Variants in KIFC3 observed in about 807,000 individuals in gnomAD.
KIFC3 encodes the protein kinesin-like protein KIFC3.
A neutral mutation model predicts 101.8 loss-of-function variants in KIFC3; 60 were observed. The observed-to-expected ratio is 0.59, with a 90% CI of 0.48 to 0.73. The LOEUF is 0.73. Ranked by LOEUF, KIFC3 falls within the 30% of genes least tolerant of loss-of-function variation. KIFC3 has a pLI of 0.00. For synonymous variants in KIFC3, 476 were observed against 482.7 expected (o/e 0.99, Z 0.18); for missense variants, 966 against 1,137.1 (o/e 0.85, Z 2.16).
intron 1 of KIFC3, among the ~76,000 whole-genome samples, chr16:57,825,271 C>T (rs187434236): frequency 1.1e-3 from 175 of 152,342 alleles, no homozygotes; most frequent in Non-Finnish European, 1.7e-3. Context: ...TGGCCAGGCT[C>T]CTTCTCTTTG....
In KIFC3 at chr16:57,772,525, G is replaced by C. The variant is rs112165850; in HGVS notation, c.316-237C>G. The stretch of plus-strand genomic sequence containing the variant: ...CCTCCACAGGACAGAGCCAACCCCA[G>C]CTCTTCAGGAAAGCCCAGAGGGCAA... On this transcript the variant is annotated intron_variant, in intron 3 of 19. Coordinates refer to ENST00000445690, the MANE Select transcript of KIFC3 (RefSeq NM_001130100.2). 3.3e-3 allele frequency among the ~76,000 whole-genome samples: 505 copies of C among 152,228 alleles called. 1 individual carries two copies. Among genetic ancestry groups the C allele is most frequent in the African/African-American group, 0.012 (482 of 41,528 alleles).
At chr16:57,846,269 A>G (rs2055916235) in intron 1 of KIFC3, 1 of 152,276 alleles carries the variant, frequency 6.6e-6, no homozygotes, top group African/African-American at 2.4e-5. Flanking sequence ...CCCAGAGAGC[A>G]CTATGGGGCT....
chr16:57,771,201 G>C lies in KIFC3; in HGVS notation c.762C>G (p.Val254=). 1 of 1,612,306 alleles carries C rather than the reference G, an allele frequency of 6.2e-7. No individual in the cohort carries two copies. Among genetic ancestry groups the C allele is most frequent in the Non-Finnish European group, 8.5e-7 (1 of 1,179,898 alleles). The change falls in exon 6 of 20, where the codon GTC becomes GTG. Residue 254 remains valine (V), a synonymous_variant. Transcript: ENST00000445690. ...GATCAGGTGGGCCAGGGCTCACCTT[G>C]ACAGGTGGGGACTGGGCCCGCAGGC... ...IASLRAQSPP[V]KYVIKTVEVE... is the part of the protein sequence containing the mutation.
chr16:57,836,171 A>C (rs1185691908), intron 1 of KIFC3, among the ~76,000 whole-genome samples: 2 of 152,224 alleles, frequency 1.3e-5, no homozygotes, highest in Non-Finnish European at 2.9e-5. Flanking sequence ...AGAATGCAGT[A>C]GCAAGATCAT....
chr16:57,764,796 T>C (rs1209486153), intron 11 of KIFC3, among the ~76,000 whole-genome samples: 2 of 145,634 alleles, frequency 1.4e-5, no homozygotes, highest in Non-Finnish European at 3.0e-5. Context: ...GGCAGGGTCA[T>C]GAAGATGGAT....
Position 57,765,533 on chromosome 16 carries a change from G to A in KIFC3, c.1438C>T (p.His480Tyr). Residue 480 changes from histidine (H) to tyrosine (Y), a missense_variant, in exon 11 of 20, where the codon CAC (histidine) becomes TAC (tyrosine). His to Tyr is a moderately conservative substitution (Grantham distance 83). Around this residue, in one of 2 missense-constraint regions of KIFC3, gnomAD observed 689 missense variants for 884.6 expected, o/e 0.78. Coordinates refer to ENST00000445690, the MANE Select transcript of KIFC3 (RefSeq NM_001130100.2). ...ACAGGCTTGCCCTTGTGCAGCAGGT[G>A]GATGATGGAGTCGTCGTCGGCATCG... ...TFDADDDSIIHLLHKGKPVSF... is the reference protein window; with the variant it reads ...TFDADDDSIIYLLHKGKPVSF... The A allele has an allele frequency of 6.3e-7, 1 of 1,596,620 alleles. No individual in the cohort carries two copies. Among genetic ancestry groups the A allele is most frequent in the Non-Finnish European group, 8.5e-7 (1 of 1,170,966 alleles).
chr16:57,839,808 T>C (rs946086003), intron 1 of KIFC3, among the ~76,000 whole-genome samples: 28 of 152,198 alleles, frequency 1.8e-4, no homozygotes, highest in Middle Eastern at 3.4e-3. Context: ...AGTGATTTTT[T>C]CCCCCCTGGA....
intron 1 of KIFC3, among the ~76,000 whole-genome samples, chr16:57,844,147 C>T (rs945399147): frequency 1.3e-5 from 2 of 151,180 alleles, no homozygotes; most frequent in Non-Finnish European, 1.5e-5. Context: ...CTAAAGGCAG[C>T]GTAGGCTGGA....
At chr16:57,782,860 C>T (rs1021160127) in intron 3 of KIFC3, among the ~76,000 whole-genome samples, 1 of 152,180 alleles carries the variant, frequency 6.6e-6, no homozygotes, top group African/African-American at 2.4e-5. Flanking sequence ...GTAGGAGAAT[C>T]GATTGAACCT....
chr16:57,842,611 G>T (rs771655180), intron 1 of KIFC3, among the ~76,000 whole-genome samples: 3 of 152,062 alleles, frequency 2.0e-5, no homozygotes, highest in Non-Finnish European at 2.9e-5. Flanking sequence ...AACAACTTGG[G>T]CATTGACTCG....
In KIFC3 at chr16:57,766,789, A is replaced by G. The variant is rs200811349; in HGVS notation, c.1330+85T>C. ...GAGATAGGATTAGAATAGTGCCTCA[A>G]TGGTGGGGTGAGCTCCAAGCATGAC... On this transcript the variant is annotated intron_variant, in intron 10 of 19. Transcript: ENST00000445690. 1.1e-5 allele frequency: 9 copies of G among 841,932 alleles called. No homozygotes were observed. In the East Asian group the frequency reaches 2.0e-4, roughly 19 times the overall value. The allele number at this position is 841,932 out of a possible 1,614,324, so 52.2% of individuals were successfully genotyped here.
At chr16:57,808,402 G>A (rs1351612677) in intron 1 of KIFC3, among the ~76,000 whole-genome samples, 3 of 151,706 alleles carry the variant, frequency 2.0e-5, no homozygotes, top group African/African-American at 7.3e-5. Flanking sequence ...GTGTTCTGCC[G>A]CTTCTCTCCT....
chr16:57,761,344 G>A, intron 14 of KIFC3, 69 bp downstream of exon 14: 1 of 1,603,396 alleles, frequency 6.2e-7, no homozygotes, highest in Middle Eastern at 1.7e-4. Context: ...ACACAGCAGA[G>A]CCTACATTCA....
chr16:57,802,572 C>A, upstream of KIFC3: 1 of 993,318 alleles, frequency 1.0e-6, no homozygotes, highest in Non-Finnish European at 1.2e-6. The surrounding 1 kb of genome is among the most constrained non-coding windows in gnomAD (Gnocchi z 5.0). Context: ...CGGCGGGGGG[C>A]GGCGGCGCGC....
chr16:57,819,207 C>T lies in KIFC3; in HGVS notation c.109-20925G>A, dbSNP rs1568084633. Reference sequence around the variant, plus strand: ...ACTATTGGCTGGGCATGGTGGCTCACGCATGTACTCCCAGTACTTTGGGAG... The same window carrying T: ...ACTATTGGCTGGGCATGGTGGCTCATGCATGTACTCCCAGTACTTTGGGAG... On this transcript the variant is annotated intron_variant, in intron 1 of 2. Coordinates refer to the KIFC3 transcript ENST00000563028. 1.3e-5 allele frequency among the ~76,000 whole-genome samples: 2 copies of T among 152,208 alleles called. 1 individual carries two copies.
rs1341944917 is a variant in KIFC3, at chr16:57,802,479, C to G, written c.-149G>C. The G allele has an allele frequency of 1.0e-6, 1 of 983,324 alleles. No homozygotes were observed. Among genetic ancestry groups the G allele is most frequent in the Non-Finnish European group, 1.2e-6 (1 of 829,190 alleles). 60.9% of individuals were successfully genotyped at this position (983,324 alleles called of 1,614,324 possible). A position where few individuals can be genotyped will look rare whatever the true frequency, so the allele number is the denominator to read the frequency against. ...GCCGCCGCCTCCTCCTCGGCCAGCC[C>G]GCTCGCGCCCCTCCCGCACACTTTC... is the stretch of plus-strand genomic sequence containing the variant. On this transcript the variant is annotated 5_prime_UTR_variant, in exon 1 of 20. Transcript: ENST00000445690. This position sits in a 1 kb window ranked among gnomAD's most constrained non-coding sequence, Gnocchi z 5.0.
rs1191334568 is a variant in KIFC3, at chr16:57,780,667, A to ATTTTTTTTTTTTTTTT, written c.316-8395_316-8380dup. ...TCCAGCCTGTGGTCTCTGAAGACAAATTTTTTTTTTTTTTTTTTTTTTTTT... is the reference window on the plus strand; with the variant it reads ...TCCAGCCTGTGGTCTCTGAAGACAAATTTTTTTTTTTTTTTTTTTTTTTTTTTTTTTTTTTTTTTTT... On this transcript the variant is annotated intron_variant, in intron 3 of 19. Transcript: ENST00000445690. 4.3e-5 allele frequency among the ~76,000 whole-genome samples: 3 copies of ATTTTTTTTTTTTTTTT among 69,956 alleles called. 1 individual carries two copies. Among genetic ancestry groups the ATTTTTTTTTTTTTTTT allele is most frequent in the East Asian group, 1.0e-3 (2 of 1,962 alleles). The allele number at this position is 69,956 out of a possible 152,430, so 45.9% of individuals were successfully genotyped here.
intron 3 of KIFC3, chr16:57,785,643 T>C: frequency 2.4e-6 from 3 of 1,252,648 alleles, no homozygotes; most frequent in Non-Finnish European, 2.1e-6. Flanking sequence ...CTCGAGCACC[T>C]CCTGCTGCCA....
intron 1 of KIFC3, among the ~76,000 whole-genome samples, chr16:57,854,674 C>T (rs566515092): frequency 2.0e-5 from 3 of 151,082 alleles, no homozygotes; most frequent in Middle Eastern, 6.8e-3. Flanking sequence ...CAGATAGAAA[C>T]GTGAGCAACA....
Sources: allele counts gnomAD v4.1 joint callset (sites outside exome capture counted in the v4.1 genomes callset), GRCh38; gene constraint gnomAD v4.1.1; regional missense constraint gnomAD v4.1.1; non-coding constraint Gnocchi (gnomAD v3.1); transcripts MANE v1.5; gene names NCBI Gene and HGNC (gene_info 2026-07-23, HGNC 2026-07-21).